The following ENAH variants were observed in gnomAD, a reference collection of about 807,000 sequenced individuals.
The protein encoded by ENAH is ENAH actin regulator.
A neutral mutation model predicts 78.7 loss-of-function variants in ENAH; 23 were observed. The observed-to-expected ratio is 0.29, with a 90% CI of 0.21 to 0.41. The LOEUF (loss-of-function observed/expected upper bound fraction) is 0.41. ENAH is among the 10% of genes least tolerant of loss of function. The probability of loss-of-function intolerance (pLI) is 1.00; values close to 1 mark genes in which losing one functional copy is unlikely to be tolerated. For synonymous variants in ENAH, 226 were observed against 241.0 expected (o/e 0.94, Z 0.58); for missense variants, 544 against 691.0 (o/e 0.79, Z 2.39).
chr1:225,575,795 G>T (rs1237974403), intron 1 of ENAH, among the ~76,000 whole-genome samples: 1 of 152,166 alleles, frequency 6.6e-6, no homozygotes, highest in Non-Finnish European at 1.5e-5. Context: ...GGAAGGACTG[G>T]CACTGTCTCT....
At chr1:225,515,032 A>G (rs1209618308) in intron 6 of ENAH, 132 bp from the exon 7 acceptor site, 1 of 770,612 alleles carries the variant, frequency 1.3e-6, no homozygotes, top group Non-Finnish European at 2.2e-6. Flanking sequence ...CCAATTTATC[A>G]TAGTTGTAAA....
At chr1:225,540,997 C>T (rs951082768) in intron 3 of ENAH, among the ~76,000 whole-genome samples, 2 of 152,132 alleles carry the variant, frequency 1.3e-5, no homozygotes, top group African/African-American at 2.4e-5. Flanking sequence ...TTTATGATTC[C>T]ATTTATATAA....
chr1:225,602,136 T>A (rs2148017103), intron 1 of ENAH, among the ~76,000 whole-genome samples: 1 of 152,046 alleles, frequency 6.6e-6, no homozygotes, highest in East Asian at 1.9e-4. Context: ...AATGACAAAA[T>A]TATCAGAAGA....
rs978826811 is a variant in ENAH at position 225,497,681 on chromosome 1, C to G, written c.*94G>C. On this transcript the variant is annotated 3_prime_UTR_variant, in exon 14 of 14. Transcript: ENST00000366843. The stretch of plus-strand genomic sequence containing the variant: ...GTTTGTCTCCATTTTCTTCTTACAG[C>G]TCATAAATGTAGGGGTTTGCTGTTG... 1 of 1,271,530 alleles carries G rather than the reference C, an allele frequency of 7.9e-7. No homozygotes were observed. Among genetic ancestry groups the G allele is most frequent in the African/African-American group, 1.5e-5 (1 of 67,616 alleles). 78.8% of individuals were successfully genotyped at this position (1,271,530 alleles called of 1,614,324 possible). A position where few individuals can be genotyped will look rare whatever the true frequency, so the allele number is the denominator to read the frequency against.
At chr1:225,597,350 A>T (rs2096906620) in intron 1 of ENAH, among the ~76,000 whole-genome samples, 1 of 152,124 alleles carries the variant, frequency 6.6e-6, no homozygotes, top group South Asian at 2.1e-4. Flanking sequence ...AGACTGAGGA[A>T]TTGTTCTATA....
chr1:225,583,537 G>A (rs565015084), intron 1 of ENAH, among the ~76,000 whole-genome samples: 115 of 151,824 alleles, frequency 7.6e-4, no homozygotes, highest in Middle Eastern at 3.4e-3. Context: ...TAGGCTGGGC[G>A]CAGTGGCACA....
chr1:225,501,046 C>CCAA lies in ENAH; in HGVS notation c.1562_1563insTTG (p.Gln521delinsHisTrp). The CCAA allele has an allele frequency of 6.2e-7, 1 of 1,614,098 alleles. No individual in the cohort carries two copies. Among genetic ancestry groups the CCAA allele is most frequent in the Non-Finnish European group, 8.5e-7 (1 of 1,180,002 alleles). On this transcript the variant is annotated protein_altering_variant, in exon 12 of 14. Coordinates refer to ENST00000366843, the MANE Select transcript of ENAH (RefSeq NM_018212.6). ...CCGTCTGGACTCCATTGGCACTGGG[C>CCAA]TGTGATAAGGGTGTGGATTTTGGTC...
At chr1:225,632,329 C>A (rs1294001379) in intron 1 of ENAH, among the ~76,000 whole-genome samples, 2 of 152,054 alleles carry the variant, frequency 1.3e-5, no homozygotes, top group African/African-American at 4.8e-5. Context: ...GAAATCCCAT[C>A]TCTACTGAAA....
intron 1 of ENAH, among the ~76,000 whole-genome samples, chr1:225,610,365 T>C (rs1225762446): frequency 6.6e-6 from 1 of 152,124 alleles, no homozygotes; most frequent in Non-Finnish European, 1.5e-5. Flanking sequence ...ATTAAAACAA[T>C]ATTGCTTTCT....
At chr1:225,567,508 T>G in intron 1 of ENAH, 94 bp from the exon 2 acceptor site, 1 of 1,248,316 alleles carries the variant, frequency 8.0e-7, no homozygotes, top group Non-Finnish European at 1.1e-6. Flanking sequence ...CAGTCAACGA[T>G]CAGTGCTGTT....
Position 225,652,699 on chromosome 1 carries a change from C to T in ENAH, c.-9G>A, listed in dbSNP as rs768829685. 1.1e-5 allele frequency: 14 copies of T among 1,319,832 alleles called. No homozygotes were observed. In the African/African-American group the frequency reaches 1.5e-4, roughly 14 times the overall value. 81.8% of individuals were successfully genotyped at this position (1,319,832 alleles called of 1,614,324 possible). On this transcript the variant is annotated 5_prime_UTR_variant, in exon 1 of 14. Coordinates refer to ENST00000366843, the MANE Select transcript of ENAH (RefSeq NM_018212.6). ...CGCGCCCCTCACCTCATGGTGCCGG[C>T]GGCGCAGAGGCTTCCCCACCAGCCG...
In ENAH at chr1:225,497,595, C is replaced by G; in HGVS notation, c.*180G>C. 2.2e-6 allele frequency: 1 copy of G among 464,808 alleles called. No individual in the cohort carries two copies. The highest frequency in any genetic ancestry group is 3.8e-6 in the Non-Finnish European group (1 of 260,816). The allele number at this position is 464,808 out of a possible 1,614,324, so 28.8% of individuals were successfully genotyped here. A position where few individuals can be genotyped will look rare whatever the true frequency, so the allele number is the denominator to read the frequency against. On this transcript the variant is annotated 3_prime_UTR_variant, in exon 14 of 14. Transcript: ENST00000366843. ...AAGCAGCAAACGGAGAGGGAAAGAG[C>G]TTATCACCAGAGTCATAATGTCTGA... is the stretch of plus-strand genomic sequence containing the variant.
chr1:225,575,707 C>T (rs986300362), intron 1 of ENAH, among the ~76,000 whole-genome samples: 1 of 152,120 alleles, frequency 6.6e-6, no homozygotes, highest in Admixed American at 6.5e-5. Context: ...TTACACTCCC[C>T]CAAAACAAGA....
intron 1 of ENAH, among the ~76,000 whole-genome samples, chr1:225,586,520 C>T (rs1438996703): frequency 6.6e-6 from 1 of 152,000 alleles, no homozygotes; most frequent in Non-Finnish European, 1.5e-5. Context: ...ACATGAAAGC[C>T]ACACAAAGAT....
chr1:225,499,363 G>A (rs2096269155), intron 12 of ENAH, among the ~76,000 whole-genome samples: 2 of 152,000 alleles, frequency 1.3e-5, no homozygotes, highest in South Asian at 4.1e-4. Flanking sequence ...GTGGTGCTCT[G>A]GGCCCTCCTT....
intron 12 of ENAH, 48 bp downstream of exon 12, chr1:225,500,944 T>TA: frequency 6.4e-7 from 1 of 1,550,412 alleles, no homozygotes; most frequent in Non-Finnish European, 8.9e-7. Flanking sequence ...GGATATTTTT[T>TA]AAAAAGAAAC....
At chr1:225,648,991 G>A (rs1004830958) in intron 1 of ENAH, among the ~76,000 whole-genome samples, 2 of 152,010 alleles carry the variant, frequency 1.3e-5, no homozygotes, top group Non-Finnish European at 1.5e-5. Context: ...AAATAAGGTC[G>A]CAAGGTGGAG....
chr1:225,644,320 T>TA (rs1257998229), intron 1 of ENAH, among the ~76,000 whole-genome samples: 85 of 152,250 alleles, frequency 5.6e-4, no homozygotes, highest in Non-Finnish European at 5.9e-5. Flanking sequence ...AAAATAATTC[T>TA]AAAAAAATTG....
intron 3 of ENAH, among the ~76,000 whole-genome samples, chr1:225,533,174 G>T (rs2096546289): frequency 6.6e-6 from 1 of 152,018 alleles, no homozygotes; most frequent in Non-Finnish European, 1.5e-5. Flanking sequence ...AAAAGTTCCA[G>T]GTAAATATAA....
Sources: allele counts gnomAD v4.1 joint callset (sites outside exome capture counted in the v4.1 genomes callset), GRCh38; gene constraint gnomAD v4.1.1; transcripts MANE v1.5; gene names NCBI Gene and HGNC (gene_info 2026-07-23, HGNC 2026-07-21).